GRM7: variants seen among roughly 807,000 people sequenced by gnomAD.
GRM7 encodes glutamate metabotropic receptor 7, also known as metabotropic glutamate receptor 7.
Under a neutral mutation model 84.5 loss-of-function variants are expected in GRM7, and 35 were observed. That is an observed-to-expected ratio of 0.41 (90% CI 0.32 to 0.55). The LOEUF (loss-of-function observed/expected upper bound fraction) is 0.55. Among genes scored for constraint, GRM7 ranks in the 20% least tolerant of loss-of-function variants. GRM7 has a pLI of 0.19. For missense variants in GRM7, 1,003 were observed against 1,194.6 expected (o/e 0.84, Z 2.36); for synonymous variants, 487 against 455.1 (o/e 1.07, Z -0.89).
At chr3:7,613,011 C>T (rs904486192) in intron 8 of GRM7, among the ~76,000 whole-genome samples, 3 of 151,438 alleles carry the variant, frequency 2.0e-5, no homozygotes, top group Non-Finnish European at 4.4e-5. Context: ...TTATCAGCAA[C>T]ATGAATATAT....
chr3:7,587,673 G>T (rs183923459), intron 8 of GRM7, among the ~76,000 whole-genome samples: 5 of 152,278 alleles, frequency 3.3e-5, no homozygotes, highest in African/African-American at 9.6e-5. Context: ...ATTACTCATT[G>T]CTTATAAGTA....
At chr3:7,222,124 G>C (rs1696825845) in intron 2 of GRM7, among the ~76,000 whole-genome samples, 1 of 145,846 alleles carries the variant, frequency 6.9e-6, no homozygotes. Context: ...TTATCTTTAA[G>C]TCTTAAAAAA....
At chr3:7,135,042 A>T (rs1257403399) in intron 1 of GRM7, among the ~76,000 whole-genome samples, 3 of 152,210 alleles carry the variant, frequency 2.0e-5, no homozygotes, top group African/African-American at 7.2e-5. Flanking sequence ...AAGTGAAGGA[A>T]AAAAGAGTTG....
chr3:7,564,189 A>T (rs1694155627), intron 7 of GRM7, among the ~76,000 whole-genome samples: 1 of 152,206 alleles, frequency 6.6e-6, no homozygotes, highest in Admixed American at 6.5e-5. Context: ...AGCAAGGTAA[A>T]GAGTTAAAGA....
At chr3:7,120,810 A>G (rs1693192256) in intron 1 of GRM7, among the ~76,000 whole-genome samples, 1 of 152,112 alleles carries the variant, frequency 6.6e-6, no homozygotes, top group African/African-American at 2.4e-5. Flanking sequence ...AGACCATAAC[A>G]AGTTTACTTT....
At chr3:7,138,027 T>C (rs1693825196) in intron 1 of GRM7, among the ~76,000 whole-genome samples, 2 of 152,062 alleles carry the variant, frequency 1.3e-5, no homozygotes, top group African/African-American at 4.8e-5. Context: ...ATAATATCTA[T>C]GTAGTGGTAG....
chr3:7,121,186 G>A (rs567794890), intron 1 of GRM7, among the ~76,000 whole-genome samples: 1 of 152,274 alleles, frequency 6.6e-6, no homozygotes, highest in East Asian at 1.9e-4. Flanking sequence ...ACAACTCAAT[G>A]TATCCTCCTA....
At chr3:6,970,603 A>C (rs1002416972) in intron 1 of GRM7, among the ~76,000 whole-genome samples, 1 of 152,260 alleles carries the variant, frequency 6.6e-6, no homozygotes, top group African/African-American at 2.4e-5. Context: ...GCTGGACGTT[A>C]TCTCTTAGGC....
At chr3:7,562,816 G>A (rs1199805913) in intron 7 of GRM7, among the ~76,000 whole-genome samples, 1 of 152,056 alleles carries the variant, frequency 6.6e-6, no homozygotes, top group African/African-American at 2.4e-5. Context: ...ACACTAATAC[G>A]CATCCTGCCT....
chr3:7,240,119 G>GGTTTT, intron 2 of GRM7, among the ~76,000 whole-genome samples: 1 of 19,178 alleles, frequency 5.2e-5, no homozygotes, highest in Non-Finnish European at 1.1e-4. Context: ...TAGCATGTGA[G>GGTTTT]GTTTTTTTTT....
intron 1 of GRM7, among the ~76,000 whole-genome samples, chr3:7,043,069 C>A (rs964492854): frequency 6.6e-6 from 1 of 152,156 alleles, no homozygotes; most frequent in East Asian, 1.9e-4. Context: ...CTCCAATGCT[C>A]CATACATTAT....
intron 8 of GRM7, among the ~76,000 whole-genome samples, chr3:7,603,095 CAGTT>C (rs146655611): frequency 0.01 from 1,541 of 152,180 alleles, 28 homozygotes; most frequent in African/African-American, 0.034. Context: ...AAATTCTGCC[CAGTT>C]AGTTAGAGCC....
chr3:6,913,960 CTT>C (rs1190229305), intron 1 of GRM7, among the ~76,000 whole-genome samples: 1 of 152,174 alleles, frequency 6.6e-6, no homozygotes. Flanking sequence ...ATACTCCTGT[CTT>C]TAAAAACTCC....
At chr3:7,577,696 GA>G (rs1695032756) in intron 7 of GRM7, among the ~76,000 whole-genome samples, 1 of 152,146 alleles carries the variant, frequency 6.6e-6, no homozygotes, top group Non-Finnish European at 1.5e-5. Flanking sequence ...GCAAATGGGG[GA>G]TGGCCAAATG....
At chr3:7,642,788 A>G (rs1386397351) in intron 8 of GRM7, among the ~76,000 whole-genome samples, 2 of 152,228 alleles carry the variant, frequency 1.3e-5, no homozygotes, top group African/African-American at 4.8e-5. Flanking sequence ...GTAGACATTC[A>G]GTAAATATTT....
intron 2 of GRM7, among the ~76,000 whole-genome samples, chr3:7,175,376 T>A (rs1355237778): frequency 6.6e-6 from 1 of 152,248 alleles, no homozygotes; most frequent in African/African-American, 2.4e-5. Context: ...GTTTTAAGAT[T>A]GGCTGACTCC....
At chr3:7,100,511 A>C (rs2125021030) in intron 1 of GRM7, among the ~76,000 whole-genome samples, 1 of 151,960 alleles carries the variant, frequency 6.6e-6, no homozygotes, top group South Asian at 2.1e-4. Flanking sequence ...TCATAGGCTA[A>C]AATCCCTGCA....
intron 2 of GRM7, among the ~76,000 whole-genome samples, chr3:7,244,075 A>G (rs1697664677): frequency 1.3e-5 from 2 of 152,128 alleles, no homozygotes; most frequent in Non-Finnish European, 2.9e-5. Flanking sequence ...ATGTTACTAT[A>G]CACCACTGTA....
chr3:6,920,438 C>T (rs1055614389), intron 1 of GRM7, among the ~76,000 whole-genome samples: 1 of 151,934 alleles, frequency 6.6e-6, no homozygotes, highest in Non-Finnish European at 1.5e-5. Flanking sequence ...ACAAGTAATC[C>T]AAGCTGCTCA....
Sources: gnomAD v4.1 joint callset for allele counts (sites outside exome capture counted in the v4.1 genomes callset) on GRCh38, gnomAD v4.1.1 for gene constraint, MANE v1.5 for transcripts, NCBI Gene and HGNC (gene_info 2026-07-23, HGNC 2026-07-21) for gene names.